The following SMG7 variants were observed in gnomAD, a reference collection of about 807,000 sequenced individuals.
The protein encoded by SMG7 is nonsense-mediated mRNA decay factor SMG7.
SMG7 carries 34 observed loss-of-function variants against 148.2 expected under a neutral mutation model. That is an observed-to-expected ratio of 0.23 (90% CI 0.17 to 0.31). SMG7 has a LOEUF of 0.31. SMG7 is among the 10% of genes least tolerant of loss of function. The pLI, the probability that SMG7 is intolerant of heterozygous loss-of-function variation, is 1.00. For missense variants in SMG7, 1,114 were observed against 1,408.4 expected (o/e 0.79, Z 3.35); for synonymous variants, 492 against 515.1 (o/e 0.96, Z 0.61).
intron 20 of SMG7, 97 bp from the exon 21 acceptor site, chr1:183,550,654 A>G: frequency 1.7e-6 from 2 of 1,177,606 alleles, no homozygotes; most frequent in Non-Finnish European, 1.2e-6. Context: ...GGTTATTGTT[A>G]GTAGAATTTT....
At chr1:183,526,571 TA>T in intron 4 of SMG7, 24 bp from the exon 5 acceptor site, 1 of 1,550,838 alleles carries the variant, frequency 6.4e-7, no homozygotes, top group Non-Finnish European at 8.8e-7. Context: ...GACTTACTAC[TA>T]AATTTTGTTT....
chr1:183,521,795 G>A (rs1203886259), intron 4 of SMG7, among the ~76,000 whole-genome samples: 3 of 151,696 alleles, frequency 2.0e-5, no homozygotes, highest in Non-Finnish European at 4.4e-5. Flanking sequence ...GAGCCCAGGA[G>A]GTTGAGGTTG....
intron 1 of SMG7, among the ~76,000 whole-genome samples, chr1:183,495,783 G>A (rs371370972): frequency 6.6e-6 from 1 of 151,982 alleles, no homozygotes; most frequent in East Asian, 1.9e-4. Flanking sequence ...CAAGAGAATC[G>A]CTTGAACCCA....
chr1:183,517,741 A>C lies in SMG7; in HGVS notation c.233A>C (p.Asn78Thr), dbSNP rs1169648862. 6.2e-7 allele frequency: 1 copy of C among 1,613,998 alleles called. No individual in the cohort carries two copies. The highest frequency in any genetic ancestry group is 2.2e-5 in the East Asian group (1 of 44,898). Residue 78 changes from asparagine to threonine, a missense_variant, in exon 4 of 23, where the codon AAT becomes ACT. Transcript: ENST00000688051. ...ACAACACTGCAAGGCCAGGCAAAGA[A>C]TCGAGCAAATCCGAATCGGAGTGAA... ...QITTLQGQAK[N>T]RANPNRSEVQ...
At chr1:183,476,465 A>C (rs570919667) in intron 1 of SMG7, among the ~76,000 whole-genome samples, 2 of 152,330 alleles carry the variant, frequency 1.3e-5, no homozygotes, top group Admixed American at 6.5e-5. Context: ...GTGGGAAACC[A>C]AGGAGCAAGA....
chr1:183,541,132 T>C (rs774986053), intron 13 of SMG7, 29 bp downstream of exon 13: 37 of 1,605,798 alleles, frequency 2.3e-5, no homozygotes, highest in Non-Finnish European at 2.8e-5. Flanking sequence ...GTCTACCCCT[T>C]TTTAACCACC....
intron 14 of SMG7, among the ~76,000 whole-genome samples, chr1:183,543,405 A>C (rs1196208384): frequency 6.6e-6 from 1 of 152,138 alleles, no homozygotes; most frequent in African/African-American, 2.4e-5. Flanking sequence ...GTTCCATTTT[A>C]ACATTATAGC....
chr1:183,521,132 T>C (rs913375224), intron 4 of SMG7, among the ~76,000 whole-genome samples: 4 of 150,400 alleles, frequency 2.7e-5, no homozygotes, highest in Non-Finnish European at 5.9e-5. Flanking sequence ...GAGGCTGGAG[T>C]GCAGTGGCAC....
intron 1 of SMG7, among the ~76,000 whole-genome samples, chr1:183,496,800 G>A (rs1161866881): frequency 6.6e-6 from 1 of 152,180 alleles, no homozygotes; most frequent in African/African-American, 2.4e-5. Context: ...CATAAAATAT[G>A]CTAACACTAA....
At chr1:183,545,822 GC>G in intron 16 of SMG7, 143 bp from the exon 17 acceptor site, 1 of 868,944 alleles carries the variant, frequency 1.2e-6, no homozygotes, top group East Asian at 2.6e-5. Context: ...GTATTGAATA[GC>G]CCAAAAGGTA....
chr1:183,506,774 C>T (rs1660996669), intron 1 of SMG7, among the ~76,000 whole-genome samples: 1 of 151,492 alleles, frequency 6.6e-6, no homozygotes, highest in African/African-American at 2.4e-5. Flanking sequence ...GAATTCTGCT[C>T]AAAGGGGATT....
At chr1:183,506,063 C>G (rs1186145194) in intron 1 of SMG7, among the ~76,000 whole-genome samples, 1 of 152,206 alleles carries the variant, frequency 6.6e-6, no homozygotes. Flanking sequence ...GCTTCATTAT[C>G]TGTGGCTTTC....
At chr1:183,549,182 T>C in intron 18 of SMG7, 26 bp from the exon 19 acceptor site, 3 of 1,539,884 alleles carry the variant, frequency 1.9e-6, no homozygotes, top group Non-Finnish European at 2.7e-6. Context: ...TATAACTTAA[T>C]TACCTTTTTT....
intron 1 of SMG7, among the ~76,000 whole-genome samples, chr1:183,480,938 G>A (rs911227345): frequency 6.6e-5 from 10 of 152,084 alleles, no homozygotes; most frequent in Non-Finnish European, 1.3e-4. Flanking sequence ...TTTGTAAAAC[G>A]GAACATTGAT....
chr1:183,544,817 C>A, intron 15 of SMG7, 113 bp from the exon 16 acceptor site: 2 of 1,086,230 alleles, frequency 1.8e-6, no homozygotes, highest in East Asian at 2.4e-5. Flanking sequence ...TGACTAATCT[C>A]TTTTGTGATG....
chr1:183,541,130 CT>C (rs1229250729), intron 13 of SMG7, 27 bp downstream of exon 13: 3 of 1,606,452 alleles, frequency 1.9e-6, no homozygotes, highest in Non-Finnish European at 1.7e-6. Context: ...TGGTCTACCC[CT>C]TTTTAACCAC....
At chr1:183,538,199 A>G (rs1244602606) in intron 11 of SMG7, among the ~76,000 whole-genome samples, 181 bp from the exon 12 acceptor site, 1 of 152,218 alleles carries the variant, frequency 6.6e-6, no homozygotes, top group Non-Finnish European at 1.5e-5. Context: ...TGTCCCAAAG[A>G]TAACATGCAG....
intron 10 of SMG7, among the ~76,000 whole-genome samples, chr1:183,535,839 T>C (rs1667666308): frequency 6.6e-6 from 1 of 152,150 alleles, no homozygotes. Flanking sequence ...CATGAAGACA[T>C]TGTACAGTAT....
At chr1:183,542,548 A>C in intron 14 of SMG7, 46 bp downstream of exon 14, 1 of 1,505,742 alleles carries the variant, frequency 6.6e-7, no homozygotes, top group East Asian at 2.3e-5. Flanking sequence ...AGGCTCACAC[A>C]AAAGGCAAGA....
Sources: gnomAD v4.1 joint callset for allele counts (sites outside exome capture counted in the v4.1 genomes callset) on GRCh38, gnomAD v4.1.1 for gene constraint, MANE v1.5 for transcripts, NCBI Gene and HGNC (gene_info 2026-07-23, HGNC 2026-07-21) for gene names.